KCNH5: variants seen among roughly 807,000 people sequenced by gnomAD.
KCNH5 encodes voltage-gated delayed rectifier potassium channel KCNH5.
In KCNH5, 46 loss-of-function variants were observed where a neutral mutation model predicts 96.1. The observed-to-expected ratio is 0.48, with a 90% confidence interval of 0.38 to 0.61. The LOEUF is 0.61. Among genes scored for constraint, KCNH5 ranks in the 20% least tolerant of loss-of-function variants. The pLI is 0.00. For missense variants in KCNH5, 907 were observed against 1,225.8 expected (o/e 0.74, Z 3.88); for synonymous variants, 439 against 449.8 (o/e 0.98, Z 0.30).
chr14:62,712,581 C>T, intron 10 of KCNH5: 1 of 716,912 alleles, frequency 1.4e-6, no homozygotes, highest in Non-Finnish European at 2.6e-6. Context: ...CTCTCCTGCT[C>T]CTCAAGGTAA....
intron 7 of KCNH5, among the ~76,000 whole-genome samples, chr14:62,906,213 G>A (rs962243743): frequency 2.0e-5 from 3 of 152,150 alleles, no homozygotes; most frequent in African/African-American, 7.2e-5. Context: ...TGCATTTCCT[G>A]TGTTCAGTGG....
chr14:62,986,547 C>T (rs1173406249), intron 5 of KCNH5, among the ~76,000 whole-genome samples: 1 of 152,132 alleles, frequency 6.6e-6, no homozygotes, highest in Non-Finnish European at 1.5e-5. Flanking sequence ...TCACATTTTC[C>T]CTTCAGAATT....
chr14:62,883,101 C>A (rs1305882137), intron 7 of KCNH5, among the ~76,000 whole-genome samples: 1 of 152,182 alleles, frequency 6.6e-6, no homozygotes, highest in Non-Finnish European at 1.5e-5. Context: ...AGTACTTACT[C>A]TTCTAATAGA....
At chr14:62,776,709 G>A (rs888845173) in intron 10 of KCNH5, among the ~76,000 whole-genome samples, 10 of 152,238 alleles carry the variant, frequency 6.6e-5, no homozygotes, top group South Asian at 2.1e-4. Flanking sequence ...TCGTCAATTC[G>A]TAGAATTTGA....
chr14:62,871,904 T>G (rs1326123397), intron 7 of KCNH5, among the ~76,000 whole-genome samples: 2 of 152,182 alleles, frequency 1.3e-5, no homozygotes, highest in East Asian at 3.9e-4. Context: ...ACTGAGTCAT[T>G]GTTTGTGTTC....
In KCNH5 at chr14:62,833,392, G is replaced by A. The variant is rs1566675776; in HGVS notation, c.1569+16261C>T. On this transcript the variant is annotated intron_variant, in intron 8 of 10. Coordinates refer to ENST00000322893, the MANE Select transcript of KCNH5 (RefSeq NM_139318.5). ...CTTTCCCAATACCATTTATTTAAGA[G>A]GCTATCCTTTCCCCACTATGTACTA... 1.3e-5 allele frequency among the ~76,000 whole-genome samples: 2 copies of A among 151,980 alleles called. 1 individual carries two copies. The highest frequency in any genetic ancestry group is 4.1e-4 in the South Asian group (2 of 4,824).
chr14:62,793,246 C>T (rs1886470803), intron 9 of KCNH5, among the ~76,000 whole-genome samples: 2 of 151,744 alleles, frequency 1.3e-5, no homozygotes, highest in Middle Eastern at 3.2e-3. Flanking sequence ...CTATACTTCA[C>T]AACACAGTAC....
intron 1 of KCNH5, among the ~76,000 whole-genome samples, chr14:63,026,205 A>T (rs1457720312): frequency 6.6e-6 from 1 of 152,056 alleles, no homozygotes; most frequent in Non-Finnish European, 1.5e-5. Flanking sequence ...CCATATATAC[A>T]AATTAACTCA....
At position 62,712,401 on chromosome 14, in the gene KCNH5, C is replaced by T. The variant is rs144098136; in HGVS notation, c.2020-3946G>A. On this transcript the variant is annotated intron_variant, in intron 10 of 10. Coordinates refer to ENST00000322893, the MANE Select transcript of KCNH5 (RefSeq NM_139318.5). Reference sequence around the variant, plus strand: ...AGTGTCATGGAATGAGAACATTTTACGAGCTAGGACCTATTATTCTCTACT... The same window carrying T: ...AGTGTCATGGAATGAGAACATTTTATGAGCTAGGACCTATTATTCTCTACT... 1.8e-3 allele frequency: 802 copies of T among 454,470 alleles called. 6 individuals carry two copies. The highest frequency in any genetic ancestry group is 0.014 in the African/African-American group (726 of 51,748). 28.2% of individuals were successfully genotyped at this position (454,470 alleles called of 1,614,324 possible). A position where few individuals can be genotyped will look rare whatever the true frequency, so the allele number is the denominator to read the frequency against.
chr14:62,727,365 A>C (rs1043971075), intron 10 of KCNH5, among the ~76,000 whole-genome samples: 2 of 148,666 alleles, frequency 1.3e-5, no homozygotes, highest in African/African-American at 5.0e-5. Flanking sequence ...ACTCTGTCTC[A>C]AAAAAAAAAG....
At chr14:62,746,086 A>G (rs922524709) in intron 10 of KCNH5, among the ~76,000 whole-genome samples, 3 of 152,172 alleles carry the variant, frequency 2.0e-5, no homozygotes, top group Non-Finnish European at 2.9e-5. Context: ...AGAAGTGTGA[A>G]TTCATCAAAT....
chr14:62,961,042 T>C (rs1360549444), intron 6 of KCNH5, among the ~76,000 whole-genome samples: 1 of 152,186 alleles, frequency 6.6e-6, no homozygotes, highest in Non-Finnish European at 1.5e-5. Context: ...ACAGTGAATA[T>C]AAAGCTTGAT....
chr14:62,869,363 CCTA>C (rs1438266634), intron 7 of KCNH5, among the ~76,000 whole-genome samples: 1 of 150,832 alleles, frequency 6.6e-6, no homozygotes, highest in Non-Finnish European at 1.5e-5. Context: ...ATATCCTTTG[CCTA>C]CTTTTTGATG....
At chr14:62,812,036 T>G (rs1245309666) in intron 8 of KCNH5, among the ~76,000 whole-genome samples, 1 of 152,190 alleles carries the variant, frequency 6.6e-6, no homozygotes, top group Non-Finnish European at 1.5e-5. Context: ...ATAAAGGTTA[T>G]GTGACTTGCT....
intron 8 of KCNH5, among the ~76,000 whole-genome samples, chr14:62,823,448 G>A (rs947284076): frequency 6.6e-6 from 1 of 151,976 alleles, no homozygotes; most frequent in Non-Finnish European, 1.5e-5. Flanking sequence ...GAGTAATGGA[G>A]TCATGGTGAA....
At chr14:62,914,155 A>T (rs1889227336) in intron 7 of KCNH5, among the ~76,000 whole-genome samples, 1 of 152,256 alleles carries the variant, frequency 6.6e-6, no homozygotes, top group African/African-American at 2.4e-5. Context: ...GAGCTCTTGC[A>T]TGCTAACCAT....
intron 6 of KCNH5, among the ~76,000 whole-genome samples, chr14:62,951,643 A>G (rs143500194): frequency 1.3e-5 from 2 of 152,322 alleles, no homozygotes; most frequent in Admixed American, 6.5e-5. Context: ...CTAATTATGC[A>G]TGTTAAAGTT....
chr14:63,043,135 T>G (rs1594690061), intron 1 of KCNH5, among the ~76,000 whole-genome samples: 1 of 152,264 alleles, frequency 6.6e-6, no homozygotes, highest in African/African-American at 2.4e-5. Flanking sequence ...CCACCTAAGG[T>G]AAATCTTTAT....
At chr14:62,981,313 G>A (rs1890603330) in intron 5 of KCNH5, 49 bp from the exon 6 acceptor site, 2 of 1,551,540 alleles carry the variant, frequency 1.3e-6, no homozygotes, top group South Asian at 1.1e-5. Context: ...TCTCTGCACA[G>A]TCAGTGATGA....
Sources: gnomAD v4.1 joint callset for allele counts (sites outside exome capture counted in the v4.1 genomes callset) on GRCh38, gnomAD v4.1.1 for gene constraint, MANE v1.5 for transcripts, NCBI Gene and HGNC (gene_info 2026-07-23, HGNC 2026-07-21) for gene names.